Variants in LRWD1 observed in about 807,000 individuals in gnomAD.
LRWD1 encodes the protein leucine rich repeats and WD repeat domain containing 1, also known as leucine-rich repeat and WD repeat-containing protein 1.
Under a neutral mutation model 75.6 loss-of-function variants are expected in LRWD1, and 76 were observed. That is an observed-to-expected ratio of 1.01 (90% CI 0.84 to 1.22). LRWD1 has a LOEUF of 1.22. LRWD1 is among the 50% of genes most tolerant of loss of function. The pLI, the probability that LRWD1 is intolerant of heterozygous loss-of-function variation, is 0.00. For missense variants in LRWD1, 917 were observed against 862.0 expected (o/e 1.06, Z -0.80); for synonymous variants, 487 against 377.0 (o/e 1.29, Z -3.38).
rs542888497 is a variant in LRWD1, at chr7:102,469,813, G to A, written c.1373G>A (p.Arg458His). Residue 458 changes from arginine to histidine, a missense_variant, in exon 11 of 15, where the codon CGC (arginine) becomes CAC (histidine). Coordinates refer to ENST00000292616, the MANE Select transcript of LRWD1 (RefSeq NM_152892.3). ...LCPVASCPDA[R>H]LLAGCEGGCC... ...CCTGTCGCCTCCTGCCCGGACGCCC[G>A]CCTGCTGGCCGGCTGCGAGGGCGGC... The A allele has an allele frequency of 2.5e-6, 4 of 1,607,008 alleles. No homozygotes were observed. Among genetic ancestry groups the A allele is most frequent in the East Asian group, 4.5e-5 (2 of 44,742 alleles).
intron 7 of LRWD1, 26 bp downstream of exon 7, chr7:102,468,403 A>G: frequency 6.3e-7 from 1 of 1,575,772 alleles, no homozygotes; most frequent in South Asian, 1.2e-5. Flanking sequence ...CAGGCGGGGC[A>G]AGGGCCGCTG....
Position 102,468,875 on chromosome 7 carries a change from G to T in LRWD1, c.1041G>T (p.Trp347Cys). 6.2e-7 allele frequency: 1 copy of T among 1,612,150 alleles called. No homozygotes were observed. Among genetic ancestry groups the T allele is most frequent in the Non-Finnish European group, 8.5e-7 (1 of 1,179,956 alleles). Reference protein sequence around the residue: ...APGEEFFSVAWTALMVVTQAG... With the variant: ...APGEEFFSVACTALMVVTQAG... ...CCCAGGAGTTCTTTTCTGTGGCCTG[G>T]ACCGCTCTGATGGTGGTCACACAGG... is the stretch of plus-strand genomic sequence containing the variant. Residue 347 changes from tryptophan to cysteine, a missense_variant, in exon 9 of 15, where the codon TGG (tryptophan) becomes TGT (cysteine). Transcript: ENST00000292616.
intron 3 of LRWD1, 103 bp from the exon 4 acceptor site, chr7:102,467,236 G>T: frequency 8.4e-7 from 1 of 1,184,586 alleles, no homozygotes; most frequent in Admixed American, 2.1e-5. Context: ...TGTGATTCCA[G>T]GAGGCTTCCA....
chr7:102,467,903 G>A, intron 5 of LRWD1, 80 bp downstream of exon 5: 1 of 1,512,510 alleles, frequency 6.6e-7, no homozygotes, highest in South Asian at 1.2e-5. Context: ...GGCGTCCTGG[G>A]CATGTGCCCA....
In LRWD1 at chr7:102,472,624, C is replaced by A; in HGVS notation, c.1690+15C>A. ...CGCCTGCCCTGGTGAGCCTGCCCCCCTGCCCGCCCCATCCCGCGGGCTTCC... is the reference window on the plus strand; with the variant it reads ...CGCCTGCCCTGGTGAGCCTGCCCCCATGCCCGCCCCATCCCGCGGGCTTCC... On this transcript the variant is annotated intron_variant, in intron 13 of 14. Coordinates refer to ENST00000292616, the MANE Select transcript of LRWD1 (RefSeq NM_152892.3). 1 of 1,609,730 alleles carries A rather than the reference C, an allele frequency of 6.2e-7. No homozygotes were observed. The highest frequency in any genetic ancestry group is 8.5e-7 in the Non-Finnish European group (1 of 1,177,486).
Position 102,472,619 on chromosome 7 carries a change from C to A in LRWD1, c.1690+10C>A. 2 of 1,608,856 alleles carry A rather than the reference C, an allele frequency of 1.2e-6. No individual in the cohort carries two copies. The highest frequency in any genetic ancestry group is 1.3e-5 in the African/African-American group (1 of 74,986). ...CTCAGCGCCTGCCCTGGTGAGCCTG[C>A]CCCCCTGCCCGCCCCATCCCGCGGG... On this transcript the variant is annotated intron_variant, in intron 13 of 14. Coordinates refer to ENST00000292616, the MANE Select transcript of LRWD1 (RefSeq NM_152892.3).
In LRWD1 at chr7:102,472,264, G is replaced by A; in HGVS notation, c.1489G>A (p.Gly497Arg). 6.3e-7 allele frequency: 1 copy of A among 1,595,694 alleles called. No individual in the cohort carries two copies. The highest frequency in any genetic ancestry group is 8.5e-7 in the Non-Finnish European group (1 of 1,169,600). Residue 497 changes from glycine to arginine, a missense_variant, in exon 12 of 15, where the codon GGA becomes AGA. Coordinates refer to ENST00000292616, the MANE Select transcript of LRWD1 (RefSeq NM_152892.3). Reference protein sequence around the residue: ...FVFSEGSEASGRRVDGLAFVN... With the variant: ...FVFSEGSEASRRRVDGLAFVN... The stretch of plus-strand genomic sequence containing the variant: ...CTTCTCTGAGGGCTCCGAGGCATCT[G>A]GACGGAGAGTGGATGGGCTGGCATT...
intron 11 of LRWD1, chr7:102,470,118 C>T (rs1173498157): frequency 1.3e-5 from 7 of 526,256 alleles, no homozygotes; most frequent in Admixed American, 3.7e-5. Context: ...TCCCCTTCAC[C>T]TGGGGCTTCA....
chr7:102,472,745 G>C lies in LRWD1; in HGVS notation c.1744G>C (p.Val582Leu). Reference protein sequence around the residue: ...DEEGNVWLYDVSNILKQPPLL... With the variant: ...DEEGNVWLYDLSNILKQPPLL... ...GGAGGGCAACGTGTGGCTCTACGAC[G>C]TCAGCAACATCCTGAAGCAGCCACC... Residue 582 changes from valine to leucine, a missense_variant, in exon 14 of 15, where the codon GTC becomes CTC. Coordinates refer to ENST00000292616, the MANE Select transcript of LRWD1 (RefSeq NM_152892.3). The C allele has an allele frequency of 1.9e-6, 3 of 1,613,494 alleles. No individual in the cohort carries two copies. Among genetic ancestry groups the C allele is most frequent in the Non-Finnish European group, 2.5e-6 (3 of 1,179,960 alleles).
Position 102,468,249 on chromosome 7 carries a change from C to T in LRWD1, c.805-14C>T. 4.4e-6 allele frequency: 7 copies of T among 1,603,066 alleles called. No individual in the cohort carries two copies. The highest frequency in any genetic ancestry group is 1.1e-5 in the South Asian group (1 of 89,140). On this transcript the variant is annotated splice_polypyrimidine_tract_variant and intron_variant, in intron 6 of 14. Transcript: ENST00000292616. ...TCGGGGCTGGGCAGCTGTGACCCTT[C>T]TCTCCCCCCACAGCCTGCTGTGAAG...
Position 102,472,272 on chromosome 7 carries a change from A to G in LRWD1, c.1497A>G (p.Arg499=). The G allele has an allele frequency of 6.3e-7, 1 of 1,592,748 alleles. No homozygotes were observed. The highest frequency in any genetic ancestry group is 8.6e-7 in the Non-Finnish European group (1 of 1,168,032). ...FSEGSEASGR[R]VDGLAFVNED... is the part of the protein sequence containing the mutation. The stretch of plus-strand genomic sequence containing the variant: ...AGGGCTCCGAGGCATCTGGACGGAG[A>G]GTGGATGGGCTGGCATTTGTGAATG... The change falls in exon 12 of 15, where the codon AGA becomes AGG. Residue 499 remains arginine (R), a synonymous_variant. Transcript: ENST00000292616.
In LRWD1 at chr7:102,467,171, G is replaced by GTGTGTGTGTGT. The variant is rs1554579596; in HGVS notation, c.433-168_433-167insTGTGTGTGTGT. Among the ~76,000 whole-genome samples, 254 of 99,102 alleles carry GTGTGTGTGTGT rather than the reference G, an allele frequency of 2.6e-3. 5 individuals are homozygous for GTGTGTGTGTGT. The highest frequency in any genetic ancestry group is 4.8e-3 in the Middle Eastern group (1 of 208). 65.0% of individuals were successfully genotyped at this position (99,102 alleles called of 152,430 possible). ...TGGGTTGTTGCTGGGGTGTGTGTGG[G>GTGTGTGTGTGT]GTGTGTGTGTGTGTGTGTGTGTGTG... On this transcript the variant is annotated intron_variant, in intron 3 of 14. Coordinates refer to ENST00000292616, the MANE Select transcript of LRWD1 (RefSeq NM_152892.3).
chr7:102,471,301 A>G (rs1264228217), intron 11 of LRWD1: 1 of 154,102 alleles, frequency 6.5e-6, no homozygotes, highest in Non-Finnish European at 1.5e-5. Context: ...TCCTGACTTC[A>G]GGTGATCCAC....
intron 11 of LRWD1, 90 bp downstream of exon 11, chr7:102,469,972 C>T (rs12533485): frequency 1.7e-4 from 245 of 1,400,790 alleles, no homozygotes; most frequent in Admixed American, 6.2e-4. Context: ...TGGGCACACC[C>T]GGGTAACCAT....
rs765074231 is a variant in LRWD1, at chr7:102,468,154, GGGCAGCCCTGTGGCAGGCTCCGAT to G, written c.779_802del (p.Pro260_Ser267del). 1.2e-6 allele frequency: 2 copies of G among 1,606,804 alleles called. No homozygotes were observed. The highest frequency in any genetic ancestry group is 3.4e-5 in the Admixed American group (2 of 58,732). On this transcript the variant is annotated inframe_deletion, in exon 6 of 15. Coordinates refer to ENST00000292616, the MANE Select transcript of LRWD1 (RefSeq NM_152892.3). ...GTGCCTCCCCGTCGGCCCAGGTGGA[GGGCAGCCCTGTGGCAGGCTCCGAT>G]GGCAGCCAGGTGAGCTGAGGTGGCA...
chr7:102,469,693 G>T, intron 10 of LRWD1, 47 bp downstream of exon 10: 1 of 1,613,802 alleles, frequency 6.2e-7, no homozygotes, highest in Non-Finnish European at 8.5e-7. Context: ...CTGGGGCAGG[G>T]ACACCTCGGT....
At chr7:102,468,740 C>T in intron 8 of LRWD1, 86 bp downstream of exon 8, 3 of 1,526,920 alleles carry the variant, frequency 2.0e-6, no homozygotes, top group Non-Finnish European at 1.8e-6. Flanking sequence ...GGCTCGGCCC[C>T]CTGCCCCATG....
In LRWD1 at chr7:102,472,560, G is replaced by A; in HGVS notation, c.1641G>A (p.Leu547=). The A allele has an allele frequency of 1.9e-6, 3 of 1,602,508 alleles. No homozygotes were observed. The highest frequency in any genetic ancestry group is 1.1e-5 in the South Asian group (1 of 89,948). ...TGGCAGTGGTGGTCCTGGCGCGGCT[G>A]CAATGGTCGTCCACCGAGTTGGCCT... ...STVAVVVLAR[L]QWSSTELAYF... Residue 547 remains leucine (L), a synonymous_variant, in exon 13 of 15, where the codon CTG becomes CTA. Coordinates refer to ENST00000292616, the MANE Select transcript of LRWD1 (RefSeq NM_152892.3).
chr7:102,469,622 A>ACCAGGACTACGAATT lies in LRWD1; in HGVS notation c.1283_1297dup (p.Asp428_Gln432dup), dbSNP rs769403758. The ACCAGGACTACGAATT allele has an allele frequency of 1.9e-6, 3 of 1,614,034 alleles. No homozygotes were observed. The highest frequency in any genetic ancestry group is 4.5e-5 in the East Asian group (2 of 44,892). On this transcript the variant is annotated inframe_insertion, in exon 10 of 15. Coordinates refer to ENST00000292616, the MANE Select transcript of LRWD1 (RefSeq NM_152892.3). ...ATCCTCTGGGACATCGGGGTGCCCA[A>ACCAGGACTACGAATT]CCAGGACTACGAATTCCAGGCCAGG... is the stretch of plus-strand genomic sequence containing the variant.
Sources: allele counts gnomAD v4.1 joint callset (sites outside exome capture counted in the v4.1 genomes callset), GRCh38; gene constraint gnomAD v4.1.1; transcripts MANE v1.5; gene names NCBI Gene and HGNC (gene_info 2026-07-23, HGNC 2026-07-21).